The following PRKAR1A variants were observed in gnomAD, a reference collection of about 807,000 sequenced individuals.
The protein encoded by PRKAR1A is protein kinase cAMP-dependent type I regulatory subunit alpha.
Under a neutral mutation model 52.0 loss-of-function variants are expected in PRKAR1A, and 3 were observed. That is an observed-to-expected ratio of 0.06 (90% CI 0.03 to 0.15). The LOEUF (loss-of-function observed/expected upper bound fraction) is 0.15, where lower values mean the gene tolerates loss of function less well. Among genes scored for constraint, PRKAR1A ranks in the 10% least tolerant of loss-of-function variants. The probability of loss-of-function intolerance (pLI) is 1.00; values close to 1 mark genes in which losing one functional copy is unlikely to be tolerated. For missense variants in PRKAR1A, 240 were observed against 477.4 expected, an observed-to-expected ratio of 0.50 and a Z score of 4.63; for synonymous variants, 188 against 168.4, an observed-to-expected ratio of 1.12 and a Z score of -0.90.
chr17:68,540,050 G>T, intron 11 of PRKAR1A: 1 of 1,192,898 alleles, frequency 8.4e-7, no homozygotes, highest in Non-Finnish European at 1.2e-6. Context: ...AGGGAACGGA[G>T]GCCTGTCATC....
the PRKAR1A span, among the ~76,000 whole-genome samples, chr17:68,444,062 C>T: frequency 1.3e-5 from 2 of 152,166 alleles, no homozygotes; most frequent in Non-Finnish European, 2.9e-5. Context: ...AAAACATATT[C>T]TTTATGGTTC....
intron 11 of PRKAR1A, chr17:68,542,679 G>A (rs369571869): frequency 5.7e-6 from 9 of 1,590,412 alleles, no homozygotes; most frequent in South Asian, 1.1e-5. Flanking sequence ...AATATCACTC[G>A]GGCCAGTACT....
At position 68,532,450 on chromosome 17, in the gene PRKAR1A, C is replaced by T; in HGVS notation, c.*2001C>T. 1 of 1,060,852 alleles carries T rather than the reference C, an allele frequency of 9.4e-7. No homozygotes were observed. Among genetic ancestry groups the T allele is most frequent in the Non-Finnish European group, 1.1e-6 (1 of 875,094 alleles). The allele number at this position is 1,060,852 out of a possible 1,614,324, so 65.7% of individuals were successfully genotyped here. On this transcript the variant is annotated 3_prime_UTR_variant, in exon 11 of 11. Transcript: ENST00000589228. ...CCCTTCTGTAGTTTTTAATTAAAAA[C>T]TTTAAAGATAAGTCTACATTAAACA...
chr17:68,537,595 T>G (rs1414933118), downstream of PRKAR1A: 3 of 1,613,736 alleles, frequency 1.9e-6, no homozygotes. The surrounding 1 kb of genome is among the most constrained non-coding windows in gnomAD (Gnocchi z 4.2). Context: ...TAGGATGGTT[T>G]GGAGCCTTCG....
At chr17:68,428,886 T>C in the PRKAR1A span, 3 of 1,614,136 alleles carry the variant, frequency 1.9e-6, no homozygotes, top group South Asian at 1.1e-5. Flanking sequence ...ATTGTACATA[T>C]AAAGGTGTCC....
chr17:68,456,710 C>T, the PRKAR1A span, among the ~76,000 whole-genome samples: 91 of 152,318 alleles, frequency 6.0e-4, no homozygotes, highest in African/African-American at 1.9e-3. Context: ...GGAGATCCTG[C>T]CTGGCTGGGT....
chr17:68,531,391 T>C lies in PRKAR1A; in HGVS notation c.*942T>C. On this transcript the variant is annotated 3_prime_UTR_variant, in exon 11 of 11. Coordinates refer to ENST00000589228, the MANE Select transcript of PRKAR1A (RefSeq NM_002734.5). Reference sequence around the variant, plus strand: ...GCTCATTAAACTGATTCCAGGAGATTGGATTTGCTGTGACTAGATACAGAT... The same window carrying C: ...GCTCATTAAACTGATTCCAGGAGATCGGATTTGCTGTGACTAGATACAGAT... 1 of 1,065,804 alleles carries C rather than the reference T, an allele frequency of 9.4e-7. No homozygotes were observed. The highest frequency in any genetic ancestry group is 1.1e-6 in the Non-Finnish European group (1 of 879,490). The allele number at this position is 1,065,804 out of a possible 1,614,324, so 66.0% of individuals were successfully genotyped here.
At chr17:68,551,208 C>A in exon 12 of PRKAR1A, 1 of 1,054,452 alleles carries the variant, frequency 9.5e-7, no homozygotes, top group South Asian at 4.8e-5. Flanking sequence ...ACACCAAGCT[C>A]TGTCTAAGGA....
At chr17:68,413,988 G>A in the PRKAR1A span, 23 of 155,012 alleles carry the variant, frequency 1.5e-4, no homozygotes, top group Middle Eastern at 3.2e-3. Flanking sequence ...CACGGTGCGC[G>A]CACCCACTGA....
At chr17:68,435,566 G>A in the PRKAR1A span, 66 of 1,553,436 alleles carry the variant, frequency 4.2e-5, 2 homozygotes, top group South Asian at 2.5e-4. Flanking sequence ...CCCTGCGCAC[G>A]GCAGGAGCCA....
At chr17:68,446,517 T>C in the PRKAR1A span, among the ~76,000 whole-genome samples, 1 of 152,200 alleles carries the variant, frequency 6.6e-6, no homozygotes, top group South Asian at 2.1e-4. Flanking sequence ...GTCGTAGGTC[T>C]GAGACTGGGG....
chr17:68,475,026 A>G, the PRKAR1A span, among the ~76,000 whole-genome samples: 1 of 152,256 alleles, frequency 6.6e-6, no homozygotes, highest in African/African-American at 2.4e-5. Flanking sequence ...GAATAGCTCA[A>G]CATCTGAAAA....
chr17:68,431,702 C>A, the PRKAR1A span, among the ~76,000 whole-genome samples: 9 of 9,168 alleles, frequency 9.8e-4, no homozygotes, highest in African/African-American at 5.0e-3. Flanking sequence ...AGGGCCCTGG[C>A]CAGCGAAGCA....
chr17:68,534,025 C>G (rs1443767828), downstream of PRKAR1A, among the ~76,000 whole-genome samples: 2 of 152,166 alleles, frequency 1.3e-5, no homozygotes, highest in Admixed American at 1.3e-4. Flanking sequence ...GTGCCCGTCT[C>G]CCAAAGGTAT....
chr17:68,417,733 A>ATTTT, the PRKAR1A span, among the ~76,000 whole-genome samples: 6,637 of 60,774 alleles, frequency 0.11, 1,935 homozygotes, highest in Non-Finnish European at 0.13. Flanking sequence ...GAGTTGCTGA[A>ATTTT]TTTTTTTTTT....
intron 2 of PRKAR1A, among the ~76,000 whole-genome samples, chr17:68,516,590 A>G (rs989648853): frequency 6.6e-6 from 1 of 152,098 alleles, no homozygotes; most frequent in Non-Finnish European, 1.5e-5. Context: ...ATAGTTTCTT[A>G]TAATCAGTAT....
In PRKAR1A at chr17:68,531,470, C is replaced by A; in HGVS notation, c.*1021C>A. 9.4e-7 allele frequency: 1 copy of A among 1,066,140 alleles called. No individual in the cohort carries two copies. Among genetic ancestry groups the A allele is most frequent in the Non-Finnish European group, 1.1e-6 (1 of 879,574 alleles). The allele number at this position is 1,066,140 out of a possible 1,614,324, so 66.0% of individuals were successfully genotyped here. ...GGTGATGCTGCTAAAGGGAGAAATGCCAGGCGGACAAAGTTCAGTGTCGGG... is the reference window on the plus strand; with the variant it reads ...GGTGATGCTGCTAAAGGGAGAAATGACAGGCGGACAAAGTTCAGTGTCGGG... On this transcript the variant is annotated 3_prime_UTR_variant, in exon 11 of 11. Transcript: ENST00000589228.
chr17:68,429,977 TG>T, the PRKAR1A span: 1 of 1,613,504 alleles, frequency 6.2e-7, no homozygotes. Flanking sequence ...TTGTTCAGAG[TG>T]GGTGTCATTG....
chr17:68,524,183 A>C, intron 5 of PRKAR1A, 106 bp downstream of exon 5: 16 of 1,130,906 alleles, frequency 1.4e-5, no homozygotes, highest in South Asian at 5.6e-5. Context: ...TGATCCTACC[A>C]CTTTTTTTTT....
Sources: gnomAD v4.1 joint callset for allele counts (sites outside exome capture counted in the v4.1 genomes callset) on GRCh38, gnomAD v4.1.1 for gene constraint, Gnocchi (gnomAD v3.1) non-coding constraint, MANE v1.5 for transcripts, NCBI Gene and HGNC (gene_info 2026-07-23, HGNC 2026-07-21) for gene names.